Variants in KIF27 observed in about 807,000 individuals in gnomAD.
The protein encoded by KIF27 is kinesin-like protein KIF27.
In KIF27, 84 loss-of-function variants were observed where a neutral mutation model predicts 141.8. That is an observed-to-expected ratio of 0.59 (90% CI 0.50 to 0.71). The LOEUF is 0.71. Among genes scored for constraint, KIF27 ranks in the 30% least tolerant of loss-of-function variants. The pLI is 0.00. For missense variants in KIF27, 1,306 were observed against 1,628.4 expected (o/e 0.80, Z 3.41); for synonymous variants, 471 against 569.5 (o/e 0.83, Z 2.46).
At chr9:83,882,600 T>C (rs1238542727) in intron 10 of KIF27, among the ~76,000 whole-genome samples, 1 of 152,216 alleles carries the variant, frequency 6.6e-6, no homozygotes, top group Non-Finnish European at 1.5e-5. Flanking sequence ...GAGTAGTGCA[T>C]GGATATGTCA....
At chr9:83,844,481 TG>T (rs1164635910) in intron 16 of KIF27, among the ~76,000 whole-genome samples, 1 of 152,058 alleles carries the variant, frequency 6.6e-6, no homozygotes, top group Non-Finnish European at 1.5e-5. Flanking sequence ...TTGTTGGTTT[TG>T]GGGTTTCTGG....
chr9:83,910,140 T>G (rs1955000168), intron 2 of KIF27, among the ~76,000 whole-genome samples: 1 of 151,926 alleles, frequency 6.6e-6, no homozygotes. Flanking sequence ...AAATACTAGA[T>G]CCAGAGAGGT....
intron 14 of KIF27, among the ~76,000 whole-genome samples, chr9:83,857,078 CAAAAAAAA>C (rs1276481036): frequency 8.9e-5 from 7 of 78,284 alleles, no homozygotes; most frequent in Non-Finnish European, 1.7e-4. Flanking sequence ...TGGATTTTAC[CAAAAAAAA>C]AAAAAAAAAG....
chr9:83,891,492 T>C lies in KIF27; in HGVS notation c.1612A>G (p.Ile538Val), dbSNP rs1952675747. The stretch of plus-strand genomic sequence containing the variant: ...TCCACAAGAAGTTGTTGTTCTATTA[T>C]TTTTTCATTCTTTGTAGAAGAGAGA... ...QKVNRLQNEK[I>V]IEQQLLVDQL... Residue 538 changes from isoleucine to valine, a missense_variant, in exon 6 of 18, where the codon ATA becomes GTA. By Grantham distance (29) the Ile-to-Val change is conservative (BLOSUM62 3). Transcript: ENST00000297814. 6.8e-6 allele frequency: 11 copies of C among 1,610,016 alleles called. No individual in the cohort carries two copies. The highest frequency in any genetic ancestry group is 1.1e-5 in the South Asian group (1 of 90,710).
At chr9:83,895,306 T>C (rs1953088756) in intron 5 of KIF27, among the ~76,000 whole-genome samples, 1 of 149,734 alleles carries the variant, frequency 6.7e-6, no homozygotes, top group Non-Finnish European at 1.5e-5. Context: ...TAACTCACCA[T>C]ATTAGCAGAA....
chr9:83,849,702 G>T (rs1242469649), intron 16 of KIF27: 1 of 177,002 alleles, frequency 5.6e-6, no homozygotes, highest in Non-Finnish European at 1.2e-5. Flanking sequence ...GAATATGACA[G>T]AACCTATCAC....
In KIF27 at chr9:83,836,673, T is replaced by G; in HGVS notation, c.*328A>C. The stretch of plus-strand genomic sequence containing the variant: ...ACTTTTATGATGTACATTTATATTA[T>G]ATAATAATACATACTTGATAGATAT... On this transcript the variant is annotated 3_prime_UTR_variant, in exon 18 of 18. Transcript: ENST00000297814. The G allele has an allele frequency of 5.3e-6, 1 of 187,142 alleles. No individual in the cohort carries two copies. Among genetic ancestry groups the G allele is most frequent in the Non-Finnish European group, 1.1e-5 (1 of 90,140 alleles). The allele number at this position is 187,142 out of a possible 1,614,324, so 11.6% of individuals were successfully genotyped here.
chr9:83,902,405 C>G (rs1348922836), intron 4 of KIF27, among the ~76,000 whole-genome samples: 1 of 152,180 alleles, frequency 6.6e-6, no homozygotes, highest in Non-Finnish European at 1.5e-5. Flanking sequence ...TCCTGTCCTC[C>G]ACTATTCCCA....
chr9:83,853,566 T>C, intron 15 of KIF27, 63 bp downstream of exon 15: 3 of 1,079,314 alleles, frequency 2.8e-6, no homozygotes, highest in Non-Finnish European at 4.2e-6. Flanking sequence ...TCAAAATAAA[T>C]ATAGGATGTA....
chr9:83,850,826 T>C (rs1948477061), intron 15 of KIF27, among the ~76,000 whole-genome samples: 1 of 142,490 alleles, frequency 7.0e-6, no homozygotes, highest in Non-Finnish European at 1.5e-5. Flanking sequence ...ATTGATGACA[T>C]TTTCTTTTTT....
intron 2 of KIF27, 81 bp downstream of exon 2, chr9:83,915,213 C>G: frequency 8.8e-7 from 1 of 1,134,226 alleles, no homozygotes; most frequent in South Asian, 1.6e-5. Context: ...ATGCTAAACA[C>G]CTACCATGTG....
chr9:83,851,462 C>T (rs1398019488), intron 15 of KIF27, among the ~76,000 whole-genome samples: 8 of 152,050 alleles, frequency 5.3e-5, no homozygotes, highest in Non-Finnish European at 4.4e-5. Flanking sequence ...AGTGATCCTC[C>T]CACCTCAGCC....
intron 2 of KIF27, among the ~76,000 whole-genome samples, chr9:83,914,639 C>T (rs1955514508): frequency 6.6e-6 from 1 of 152,074 alleles, no homozygotes; most frequent in Non-Finnish European, 1.5e-5. Context: ...GACAATGATG[C>T]ATATGTGCAC....
At chr9:83,864,045 C>T (rs1158889970) in intron 13 of KIF27, among the ~76,000 whole-genome samples, 2 of 151,814 alleles carry the variant, frequency 1.3e-5, no homozygotes, top group Non-Finnish European at 2.9e-5. Flanking sequence ...TTTTTTATTG[C>T]GTCTATTTGA....
rs139037887 is a variant in KIF27 at position 83,903,792 on chromosome 9, A to G, written c.726T>C (p.Phe242=). The G allele has an allele frequency of 2.5e-6, 4 of 1,614,130 alleles. No homozygotes were observed. The African/African-American group carries it at 5.3e-5, about 22-fold the overall frequency. ...CTCTTTCTGATCCTGCCAAATCCACAAAGTGGAACTTTGAGACAATATGCC... is the reference window on the plus strand; with the variant it reads ...CTCTTTCTGATCCTGCCAAATCCACGAAGTGGAACTTTGAGACAATATGCC... The part of the protein sequence containing the change: ...SPRHIVSKFH[F]VDLAGSERVT... The change falls in exon 4 of 18, where the codon TTT becomes TTC. Residue 242 remains phenylalanine (F), a synonymous_variant. Coordinates refer to ENST00000297814, the MANE Select transcript of KIF27 (RefSeq NM_017576.4).
At position 83,837,232 on chromosome 9, in the gene KIF27, T is replaced by A. The variant is rs1945972125; in HGVS notation, c.3975A>T (p.Thr1325=). 1 of 1,613,884 alleles carries A rather than the reference T, an allele frequency of 6.2e-7. No individual in the cohort carries two copies. Among genetic ancestry groups the A allele is most frequent in the Admixed American group, 1.7e-5 (1 of 60,000 alleles). ...HMLGNENKTE[T]DDNQFTKSHS... ...GAGATTTTGTAAACTGATTATCATC[T>A]GTTTCTGTTTTATTCTCATTACCTA... The change falls in exon 18 of 18, where the codon ACA becomes ACT. Residue 1325 remains threonine (T), a synonymous_variant. Transcript: ENST00000297814.
At chr9:83,870,472 C>G in intron 12 of KIF27, 47 bp downstream of exon 12, 2 of 1,607,834 alleles carry the variant, frequency 1.2e-6, no homozygotes, top group East Asian at 2.2e-5. Flanking sequence ...TTTAGACAAC[C>G]ATCAGATTGA....
chr9:83,836,920 A>G lies in KIF27; in HGVS notation c.*81T>C. 6.5e-7 allele frequency: 1 copy of G among 1,541,588 alleles called. No homozygotes were observed. Among genetic ancestry groups the G allele is most frequent in the Non-Finnish European group, 8.7e-7 (1 of 1,144,388 alleles). ...CTTCCTTTATTCTGAGGAAAGAGGTAGTGAACTTGAGCTTTAGTTTTTAAC... is the reference window on the plus strand; with the variant it reads ...CTTCCTTTATTCTGAGGAAAGAGGTGGTGAACTTGAGCTTTAGTTTTTAAC... On this transcript the variant is annotated 3_prime_UTR_variant, in exon 18 of 18. Coordinates refer to ENST00000297814, the MANE Select transcript of KIF27 (RefSeq NM_017576.4).
At chr9:83,911,001 T>A (rs1588306512) in intron 2 of KIF27, among the ~76,000 whole-genome samples, 1 of 152,134 alleles carries the variant, frequency 6.6e-6, no homozygotes. Context: ...ATAGGTGACA[T>A]AACATGCTAA....
Sources: gnomAD v4.1 joint callset for allele counts (sites outside exome capture counted in the v4.1 genomes callset) on GRCh38, gnomAD v4.1.1 for gene constraint, MANE v1.5 for transcripts, NCBI Gene and HGNC (gene_info 2026-07-23, HGNC 2026-07-21) for gene names.